The following PRMT2 variants were observed in gnomAD, a reference collection of about 807,000 sequenced individuals.
The protein encoded by PRMT2 is protein arginine N-methyltransferase 2.
A neutral mutation model predicts 57.6 loss-of-function variants in PRMT2; 26 were observed. The ratio of observed to expected loss-of-function variants is 0.45; its 90% CI spans 0.33 to 0.63. PRMT2 has a LOEUF of 0.63. Among genes scored for constraint, PRMT2 ranks in the 20% least tolerant of loss-of-function variants. PRMT2 has a pLI of 0.02. For missense variants in PRMT2, 472 were observed against 564.4 expected (o/e 0.84, Z 1.66); for synonymous variants, 219 against 220.0 (o/e 1.00, Z 0.04).
chr21:46,652,590 C>T (rs1487637096), intron 7 of PRMT2: 12 of 985,246 alleles, frequency 1.2e-5, no homozygotes, highest in South Asian at 4.7e-5. Flanking sequence ...CTGATGCTCC[C>T]GATGCTGAGG....
chr21:46,659,035 T>A, intron 8 of PRMT2, 115 bp downstream of exon 8: 1 of 1,462,402 alleles, frequency 6.8e-7, no homozygotes, highest in South Asian at 1.4e-5. Flanking sequence ...TGAGGGTACC[T>A]GTGCACCCAG....
chr21:46,644,186 C>T (rs977635582), intron 4 of PRMT2, 120 bp from the exon 5 acceptor site: 3 of 978,100 alleles, frequency 3.1e-6, no homozygotes, highest in Non-Finnish European at 4.5e-6. Context: ...CTGTCATTAC[C>T]CACTGACTCC....
At position 46,648,704 on chromosome 21, in the gene PRMT2, C is replaced by T; in HGVS notation, c.489+85C>T. 4 of 1,527,162 alleles carry T rather than the reference C, an allele frequency of 2.6e-6. No individual in the cohort carries two copies. In the South Asian group the frequency reaches 4.8e-5, roughly 18 times the overall value. The allele number at this position is 1,527,162 out of a possible 1,614,324, so 94.6% of individuals were successfully genotyped here. Reference sequence around the variant, plus strand: ...GGCCTCTGAGTGTGCTGACTTGTGACCCTGAGCTGTTGGGGGCTCACCGGT... The same window carrying T: ...GGCCTCTGAGTGTGCTGACTTGTGATCCTGAGCTGTTGGGGGCTCACCGGT... On this transcript the variant is annotated intron_variant, in intron 6 of 11. Coordinates refer to ENST00000355680, the MANE Select transcript of PRMT2 (RefSeq NM_206962.4). This position sits in a 1 kb window ranked among gnomAD's most constrained non-coding sequence, Gnocchi z 4.8.
chr21:46,655,477 G>GA (rs922374668), intron 7 of PRMT2, among the ~76,000 whole-genome samples: 2 of 151,926 alleles, frequency 1.3e-5, no homozygotes, highest in Admixed American at 1.3e-4. Flanking sequence ...TATCAATACA[G>GA]AAAAAAATTG....
intron 3 of PRMT2, among the ~76,000 whole-genome samples, chr21:46,638,665 A>G (rs764224479): frequency 9.2e-5 from 14 of 152,168 alleles, no homozygotes; most frequent in Non-Finnish European, 1.6e-4. Flanking sequence ...TAGAAATGGT[A>G]TTTTGTTATT....
chr21:46,659,525 A>T (rs369836422), intron 8 of PRMT2: 1 of 964,292 alleles, frequency 1.0e-6, no homozygotes. Flanking sequence ...CAAACCGCAA[A>T]AAATAAATAA....
intron 9 of PRMT2, chr21:46,661,174 ATATTG>A: frequency 2.2e-6 from 1 of 454,918 alleles, no homozygotes; most frequent in East Asian, 3.8e-5. Flanking sequence ...TGATTCTTTC[ATATTG>A]TACACCATTT....
At chr21:46,651,615 C>T (rs1423490331) in intron 7 of PRMT2, among the ~76,000 whole-genome samples, 1 of 151,908 alleles carries the variant, frequency 6.6e-6, no homozygotes, top group Admixed American at 6.6e-5. Context: ...TTCAGACTCC[C>T]CCCCAGGGAG....
intron 9 of PRMT2, chr21:46,661,189 TTA>T (rs1410900504): frequency 2.5e-6 from 1 of 406,920 alleles, no homozygotes; most frequent in African/African-American, 2.1e-5. Context: ...GTACACCATT[TTA>T]TGTCTCCAGC....
At chr21:46,643,502 TC>T in intron 3 of PRMT2, 32 bp from the exon 4 acceptor site, 1 of 1,444,072 alleles carries the variant, frequency 6.9e-7, no homozygotes, top group Non-Finnish European at 9.1e-7. Flanking sequence ...AGCTCCAGCG[TC>T]CTCTCCTCAC....
intron 8 of PRMT2, chr21:46,659,623 C>G: frequency 1.0e-6 from 1 of 985,058 alleles, no homozygotes; most frequent in Non-Finnish European, 1.2e-6. Context: ...ACCAGACAAG[C>G]AAAGAGTAAA....
intron 7 of PRMT2, chr21:46,652,007 C>A (rs560521039): frequency 6.2e-7 from 1 of 1,613,180 alleles, no homozygotes; most frequent in Non-Finnish European, 8.5e-7. Context: ...CCTACTCTGA[C>A]GCTGACATGT....
Position 46,637,098 on chromosome 21 carries a change from G to A in PRMT2, c.39+108G>A, listed in dbSNP as rs769607997. On this transcript the variant is annotated intron_variant, in intron 3 of 11. Transcript: ENST00000355680. ...ATGGAGCTTGGCTTGTGCCTTGGAA[G>A]GTGGCCACCGGCAGTAGAATGCTTA... 2.1e-5 allele frequency: 24 copies of A among 1,123,582 alleles called. 1 individual carries two copies. Among genetic ancestry groups the A allele is most frequent in the Admixed American group, 4.5e-5 (2 of 44,474 alleles). 69.6% of individuals were successfully genotyped at this position (1,123,582 alleles called of 1,614,324 possible). A position where few individuals can be genotyped will look rare whatever the true frequency, so the allele number is the denominator to read the frequency against.
chr21:46,660,219 C>T (rs1277908875), intron 8 of PRMT2: 1 of 951,556 alleles, frequency 1.1e-6, no homozygotes, highest in Non-Finnish European at 1.3e-6. Flanking sequence ...AAGCCTAGTG[C>T]AGCCAGTGAT....
At chr21:46,662,375 C>T (rs766998526) in intron 10 of PRMT2, among the ~76,000 whole-genome samples, 47 of 152,242 alleles carry the variant, frequency 3.1e-4, no homozygotes, top group Admixed American at 7.2e-4. Context: ...CTTCAGGGCC[C>T]TGCAGGCCTT....
intron 3 of PRMT2, among the ~76,000 whole-genome samples, chr21:46,640,331 C>A (rs913023252): frequency 1.3e-5 from 2 of 151,736 alleles, no homozygotes; most frequent in Admixed American, 6.6e-5. Context: ...CTTTTTCTTG[C>A]ATTCTGTGTT....
intron 8 of PRMT2, chr21:46,660,139 T>C (rs938077998): frequency 1.0e-6 from 1 of 975,284 alleles, no homozygotes; most frequent in Non-Finnish European, 1.2e-6. Flanking sequence ...TCACTTTTAT[T>C]TGCTATTTCA....
At chr21:46,636,077 C>G (rs1489182384) in intron 1 of PRMT2, 2 of 153,052 alleles carry the variant, frequency 1.3e-5, no homozygotes, top group Non-Finnish European at 2.9e-5. Context: ...CCTGGCGGCC[C>G]CTGCCCCGAA....
intron 4 of PRMT2, 45 bp downstream of exon 4, chr21:46,643,684 C>A: frequency 6.4e-7 from 1 of 1,555,614 alleles, no homozygotes. Flanking sequence ...TCAGCATGTT[C>A]AGTGTCAAAA....
Sources: gnomAD v4.1 joint callset for allele counts (sites outside exome capture counted in the v4.1 genomes callset) on GRCh38, gnomAD v4.1.1 for gene constraint, Gnocchi (gnomAD v3.1) non-coding constraint, MANE v1.5 for transcripts, NCBI Gene and HGNC (gene_info 2026-07-23, HGNC 2026-07-21) for gene names.